Variants in ULK4 observed in about 807,000 individuals in gnomAD.
ULK4 encodes inactive serine/threonine-protein kinase ULK4.
A neutral mutation model predicts 160.6 loss-of-function variants in ULK4; 133 were observed. The ratio of observed to expected loss-of-function variants is 0.83; its 90% CI spans 0.72 to 0.96. The LOEUF is 0.96. Among genes scored for constraint, ULK4 ranks in the 40% least tolerant of loss-of-function variants. The pLI is 0.00. For missense variants in ULK4, 1,580 were observed against 1,499.5 expected, an observed-to-expected ratio of 1.05 and a Z score of -0.89; for synonymous variants, 534 against 539.8, an observed-to-expected ratio of 0.99 and a Z score of 0.15.
chr3:41,307,740 G>A (rs2079975171), intron 35 of ULK4, among the ~76,000 whole-genome samples: 4 of 152,084 alleles, frequency 2.6e-5, no homozygotes, highest in Admixed American at 2.0e-4. Flanking sequence ...TGATTCAGGA[G>A]GACTGCTTGA....
At chr3:41,751,165 G>A (rs1379490275) in intron 22 of ULK4, among the ~76,000 whole-genome samples, 1 of 151,766 alleles carries the variant, frequency 6.6e-6, no homozygotes, top group African/African-American at 2.4e-5. Context: ...AATCAGGATG[G>A]GTGTGGCAAA....
At chr3:41,804,827 A>T (rs1294608893) in intron 19 of ULK4, among the ~76,000 whole-genome samples, 1 of 149,364 alleles carries the variant, frequency 6.7e-6, no homozygotes, top group African/African-American at 2.5e-5. Flanking sequence ...GCTCTGTTCT[A>T]TTCCATTGGT....
At chr3:41,559,024 C>CACT in intron 32 of ULK4, among the ~76,000 whole-genome samples, 1 of 134,818 alleles carries the variant, frequency 7.4e-6, no homozygotes, top group African/African-American at 2.6e-5. Context: ...TATCCCTCCC[C>CACT]CCTACCCCCA....
chr3:41,695,161 A>G (rs779192421), intron 27 of ULK4, among the ~76,000 whole-genome samples: 1 of 152,222 alleles, frequency 6.6e-6, no homozygotes, highest in Non-Finnish European at 1.5e-5. Context: ...AATTCCATTC[A>G]TGAGAGGGGA....
chr3:41,364,263 C>CTGG (rs1028501045), intron 35 of ULK4, among the ~76,000 whole-genome samples: 1 of 152,154 alleles, frequency 6.6e-6, no homozygotes, highest in African/African-American at 2.4e-5. Context: ...AATCCAGTCA[C>CTGG]TGGTGATTAA....
At chr3:41,805,705 T>C (rs2040621733) in intron 19 of ULK4, among the ~76,000 whole-genome samples, 1 of 151,640 alleles carries the variant, frequency 6.6e-6, no homozygotes. Flanking sequence ...GGCTGTTGAA[T>C]TTTGTCAAAG....
chr3:41,368,892 TA>T (rs944212215), intron 35 of ULK4, among the ~76,000 whole-genome samples: 10 of 152,198 alleles, frequency 6.6e-5, no homozygotes, highest in Non-Finnish European at 1.0e-4. Flanking sequence ...AAATACTGCT[TA>T]AAAAATTACA....
chr3:41,376,918 T>G (rs1232040328), intron 35 of ULK4, among the ~76,000 whole-genome samples: 12 of 142,602 alleles, frequency 8.4e-5, no homozygotes, highest in African/African-American at 2.8e-4. Flanking sequence ...CATCGCCAAG[T>G]CAATCCTAAG....
chr3:41,280,813 C>T (rs1014236623), intron 35 of ULK4, among the ~76,000 whole-genome samples: 5 of 151,984 alleles, frequency 3.3e-5, no homozygotes, highest in Non-Finnish European at 5.9e-5. Flanking sequence ...AAGATCAGAG[C>T]AGAACTGAAG....
At chr3:41,435,165 A>T (rs533029787) in intron 34 of ULK4, among the ~76,000 whole-genome samples, 2 of 152,240 alleles carry the variant, frequency 1.3e-5, no homozygotes, top group African/African-American at 2.4e-5. Flanking sequence ...CAATTTATAC[A>T]TAAGTTTACT....
intron 25 of ULK4, among the ~76,000 whole-genome samples, chr3:41,712,120 A>G (rs2037116537): frequency 6.6e-6 from 1 of 152,238 alleles, no homozygotes; most frequent in South Asian, 2.1e-4. Flanking sequence ...CTTGGGGGAA[A>G]AAAATTTACA....
intron 35 of ULK4, among the ~76,000 whole-genome samples, chr3:41,291,751 G>A (rs972790090): frequency 3.3e-5 from 5 of 151,948 alleles, no homozygotes; most frequent in African/African-American, 1.2e-4. Flanking sequence ...CTGCGATGCT[G>A]TTTGTCAGCC....
At chr3:41,821,987 A>C (rs2041161053) in intron 18 of ULK4, among the ~76,000 whole-genome samples, 1 of 152,006 alleles carries the variant, frequency 6.6e-6, no homozygotes, top group Non-Finnish European at 1.5e-5. Flanking sequence ...TCTCTCTCCT[A>C]ATTTTGCTCC....
intron 19 of ULK4, among the ~76,000 whole-genome samples, chr3:41,813,736 T>C (rs1456477014): frequency 1.3e-5 from 2 of 152,242 alleles, no homozygotes; most frequent in African/African-American, 2.4e-5. Flanking sequence ...AGTGAAGAAA[T>C]GTATGTGCCA....
At chr3:41,517,982 A>G (rs2085808602) in intron 32 of ULK4, among the ~76,000 whole-genome samples, 10 of 152,240 alleles carry the variant, frequency 6.6e-5, no homozygotes, top group Admixed American at 6.5e-4. Context: ...GATTTGTTGA[A>G]TGAAATTTAA....
At chr3:41,393,465 G>C (rs2081996944) in intron 35 of ULK4, among the ~76,000 whole-genome samples, 1 of 152,066 alleles carries the variant, frequency 6.6e-6, no homozygotes, top group African/African-American at 2.4e-5. Flanking sequence ...GCTTCTTCCT[G>C]CTCAGTGTGT....
chr3:41,951,345 G>A (rs1160050090), intron 2 of ULK4, among the ~76,000 whole-genome samples: 9 of 145,336 alleles, frequency 6.2e-5, no homozygotes, highest in African/African-American at 1.5e-4. Flanking sequence ...AAATCTATCC[G>A]AAAATTCATA....
intron 35 of ULK4, among the ~76,000 whole-genome samples, chr3:41,253,706 CAAGT>C (rs1575356178): frequency 2.0e-5 from 3 of 152,180 alleles, no homozygotes; most frequent in East Asian, 1.9e-4. Flanking sequence ...CTAAATGCAG[CAAGT>C]AAGAAATCTC....
intron 2 of ULK4, among the ~76,000 whole-genome samples, chr3:41,945,821 T>C (rs1432651557): frequency 6.6e-6 from 1 of 152,180 alleles, no homozygotes; most frequent in Non-Finnish European, 1.5e-5. Flanking sequence ...CCCTCAGTGT[T>C]ATCACCATCC....
Sources: gnomAD v4.1 joint callset for allele counts (sites outside exome capture counted in the v4.1 genomes callset) on GRCh38, gnomAD v4.1.1 for gene constraint, MANE v1.5 for transcripts, NCBI Gene and HGNC (gene_info 2026-07-23, HGNC 2026-07-21) for gene names.